PRORP: variants seen among roughly 807,000 people sequenced by gnomAD.
PRORP encodes the protein mitochondrial ribonuclease P catalytic subunit.
Under a neutral mutation model 59.4 loss-of-function variants are expected in PRORP, and 51 were observed. The ratio of observed to expected loss-of-function variants is 0.86; its 90% CI spans 0.69 to 1.08. The LOEUF is 1.08. Among genes scored for constraint, PRORP ranks in the 50% least tolerant of loss-of-function variants. The probability of loss-of-function intolerance (pLI) is 0.00; values close to 1 mark genes in which losing one functional copy is unlikely to be tolerated. For synonymous variants in PRORP, 231 were observed against 245.6 expected, an observed-to-expected ratio of 0.94 and a Z score of 0.55; for missense variants, 646 against 690.3, an observed-to-expected ratio of 0.94 and a Z score of 0.72.
At chr14:35,147,071 C>T (rs2047629808) in intron 4 of PRORP, among the ~76,000 whole-genome samples, 1 of 152,102 alleles carries the variant, frequency 6.6e-6, no homozygotes, top group Non-Finnish European at 1.5e-5. Context: ...GAACTCCAGC[C>T]TGGGAGACAG....
chr14:35,262,764 G>T, intron 5 of PRORP: 1 of 1,109,710 alleles, frequency 9.0e-7, no homozygotes, highest in Non-Finnish European at 1.4e-6. Context: ...CCCCATCAAT[G>T]TCGTTATCCA....
At chr14:35,177,170 C>A (rs1219374830) in intron 4 of PRORP, among the ~76,000 whole-genome samples, 1 of 148,250 alleles carries the variant, frequency 6.7e-6, no homozygotes, top group African/African-American at 2.5e-5. Context: ...ATTTTTCCAT[C>A]GATGTTCATC....
intron 5 of PRORP, among the ~76,000 whole-genome samples, chr14:35,259,993 GTTTT>G (rs557378360): frequency 1.6e-4 from 13 of 81,308 alleles, no homozygotes; most frequent in African/African-American, 5.1e-4. Flanking sequence ...GGTTTTTCGG[GTTTT>G]TTTTTTTTTT....
intron 4 of PRORP, among the ~76,000 whole-genome samples, chr14:35,143,201 G>A (rs1454278601): frequency 6.9e-6 from 1 of 145,570 alleles, no homozygotes; most frequent in East Asian, 2.3e-4. Context: ...TGCTCAGGCT[G>A]GAGTGCAGTG....
intron 5 of PRORP, chr14:35,262,369 C>T (rs1480273695): frequency 3.3e-6 from 1 of 301,590 alleles, no homozygotes; most frequent in African/African-American, 2.2e-5. Flanking sequence ...AGATGTTTGC[C>T]TTTTATTACT....
chr14:35,147,597 A>C (rs1456075299), intron 4 of PRORP, among the ~76,000 whole-genome samples: 1 of 152,192 alleles, frequency 6.6e-6, no homozygotes, highest in Non-Finnish European at 1.5e-5. Context: ...CACCCACCTC[A>C]GCCTCCCAAC....
At chr14:35,252,604 C>T (rs2050642962) in intron 5 of PRORP, among the ~76,000 whole-genome samples, 1 of 152,168 alleles carries the variant, frequency 6.6e-6, no homozygotes, top group Non-Finnish European at 1.5e-5. Context: ...CATGACTGGG[C>T]TTTACCCTGT....
intron 4 of PRORP, among the ~76,000 whole-genome samples, chr14:35,149,165 C>T (rs1051139351): frequency 2.1e-4 from 31 of 151,108 alleles, no homozygotes; most frequent in African/African-American, 6.6e-4. Flanking sequence ...GTGATCCGCC[C>T]GCCTCGGCCT....
intron 5 of PRORP, among the ~76,000 whole-genome samples, chr14:35,189,176 A>G (rs895367702): frequency 3.3e-5 from 5 of 152,118 alleles, no homozygotes. Context: ...TAGGCAGACT[A>G]AGTCTTACTA....
chr14:35,151,848 C>G (rs2047758144), intron 4 of PRORP, among the ~76,000 whole-genome samples: 1 of 150,422 alleles, frequency 6.6e-6, no homozygotes, highest in Non-Finnish European at 1.5e-5. Flanking sequence ...TTACTGAATT[C>G]TTAGTGTCAG....
At chr14:35,153,615 A>G (rs187228702) in intron 4 of PRORP, among the ~76,000 whole-genome samples, 18 of 152,334 alleles carry the variant, frequency 1.2e-4, no homozygotes, top group African/African-American at 4.3e-4. Context: ...TGAGAAGTTT[A>G]ATAAGATAGT....
intron 5 of PRORP, among the ~76,000 whole-genome samples, chr14:35,210,750 C>CTTTTTTTTTTT (rs71435870): frequency 2.9e-5 from 1 of 34,068 alleles, no homozygotes; most frequent in Non-Finnish European, 5.0e-5. Flanking sequence ...TTTCTTTTGC[C>CTTTTTTTTTTT]TTTTTTTTTT....
At chr14:35,142,608 G>A (rs1230183257) in intron 4 of PRORP, among the ~76,000 whole-genome samples, 1 of 144,156 alleles carries the variant, frequency 6.9e-6, no homozygotes, top group Non-Finnish European at 1.5e-5. Flanking sequence ...TTGGGAGGCC[G>A]AGGTGGGTGG....
rs2050051014 is a variant in PRORP, at chr14:35,230,538, A to G, written c.1276-36189A>G. ...ATTGGGGATTTTGACTGTGGGATTC[A>G]TTTAGTAAGTATTCATCGAGTACTT... On this transcript the variant is annotated intron_variant, in intron 5 of 7. Transcript: ENST00000534898. Among the ~76,000 whole-genome samples the G allele has an allele frequency of 2.6e-5, 4 of 152,190 alleles. No individual in the cohort carries two copies. The South Asian group carries it at 8.3e-4, about 31-fold the overall frequency.
At chr14:35,197,213 A>G (rs2049030361) in intron 5 of PRORP, among the ~76,000 whole-genome samples, 1 of 152,092 alleles carries the variant, frequency 6.6e-6, no homozygotes, top group Non-Finnish European at 1.5e-5. Flanking sequence ...GGGTGTGGTG[A>G]GATTGTCTCG....
rs1412013693 is a variant in PRORP, at chr14:35,187,457, A to G, written c.1275+6680A>G. Among the ~76,000 whole-genome samples the G allele has an allele frequency of 2.9e-5, 4 of 139,640 alleles. No individual in the cohort carries two copies. In the South Asian group the frequency reaches 8.8e-4, roughly 31 times the overall value. The allele number at this position is 139,640 out of a possible 152,430, so 91.6% of individuals were successfully genotyped here. ...TTTTTTTTTTTTTAGATGGAGTCTC[A>G]CTGTCACCGAAGCTGGAGTGCAGTG... is the stretch of plus-strand genomic sequence containing the variant. On this transcript the variant is annotated intron_variant, in intron 5 of 7. Coordinates refer to ENST00000534898, the MANE Select transcript of PRORP (RefSeq NM_014672.4).
At chr14:35,249,423 A>C (rs2138580272) in intron 5 of PRORP, among the ~76,000 whole-genome samples, 1 of 152,184 alleles carries the variant, frequency 6.6e-6, no homozygotes, top group East Asian at 1.9e-4. Flanking sequence ...CTCTACAAAA[A>C]ATAAAAAAAT....
rs1013464240 is a variant in PRORP at position 35,216,304 on chromosome 14, G to GT, written c.1275+35535dup. ...TTGTTTTTGTCTTTTTCCTTTCTGG[G>GT]TTTTTTTTGTTGTTGTTGTTGTTTT... On this transcript the variant is annotated intron_variant, in intron 5 of 7. Coordinates refer to ENST00000534898, the MANE Select transcript of PRORP (RefSeq NM_014672.4). Among the ~76,000 whole-genome samples, 231 of 147,716 alleles carry GT rather than the reference G, an allele frequency of 1.6e-3. 1 individual carries two copies. The highest frequency in any genetic ancestry group is 5.7e-3 in the East Asian group (29 of 5,080).
At chr14:35,144,624 T>C (rs184223560) in intron 4 of PRORP, 6 of 146,232 alleles carry the variant, frequency 4.1e-5, no homozygotes, top group Admixed American at 2.1e-4. Context: ...AAAGAGGATT[T>C]TGTTGGCTCT....
Sources: gnomAD v4.1 joint callset for allele counts (sites outside exome capture counted in the v4.1 genomes callset) on GRCh38, gnomAD v4.1.1 for gene constraint, MANE v1.5 for transcripts, NCBI Gene and HGNC (gene_info 2026-07-23, HGNC 2026-07-21) for gene names.